Variants in ZDHHC15 observed in about 807,000 individuals in gnomAD.
ZDHHC15 encodes the protein palmitoyltransferase ZDHHC15.
Under a neutral mutation model 31.7 loss-of-function variants are expected in ZDHHC15, and 19 were observed. That is an observed-to-expected ratio of 0.60 (90% CI 0.42 to 0.88). The LOEUF (loss-of-function observed/expected upper bound fraction) is 0.88, where lower values mean the gene tolerates loss of function less well. ZDHHC15 is among the 40% of genes least tolerant of loss of function. The pLI is 0.00. For missense variants in ZDHHC15, 209 were observed against 251.2 expected, an observed-to-expected ratio of 0.83 and a Z score of 1.14; for synonymous variants, 103 against 90.0, an observed-to-expected ratio of 1.14 and a Z score of -0.82.
intron 9 of ZDHHC15, among the ~76,000 whole-genome samples, chrX:75,418,712 T>G (rs993539174): frequency 8.9e-6 from 1 of 112,088 alleles, no homozygotes; most frequent in African/African-American, 3.2e-5. Flanking sequence ...GGGGAAAGGA[T>G]TCCCTATTTA....
chrX:75,407,137 G>T (rs751002980), intron 10 of ZDHHC15, among the ~76,000 whole-genome samples: 1 of 111,788 alleles, frequency 8.9e-6, no homozygotes, highest in African/African-American at 3.2e-5. Context: ...TCTCTGCCCG[G>T]CTGCCCATCG....
intron 2 of ZDHHC15, among the ~76,000 whole-genome samples, chrX:75,497,505 A>T (rs2085020319): frequency 9.0e-6 from 1 of 111,283 alleles, no homozygotes; most frequent in Admixed American, 9.6e-5. Context: ...TAATACCAAA[A>T]CCAGGAAAGG....
At chrX:75,461,165 T>G (rs1453661003) in intron 3 of ZDHHC15, among the ~76,000 whole-genome samples, 1 of 111,660 alleles carries the variant, frequency 9.0e-6, no homozygotes, top group Non-Finnish European at 1.9e-5. Flanking sequence ...AATAGCAGAA[T>G]AAATAAAGCA....
At chrX:75,399,433 T>G (rs149342260) in intron 10 of ZDHHC15, among the ~76,000 whole-genome samples, 2 of 112,115 alleles carry the variant, frequency 1.8e-5, no homozygotes, top group African/African-American at 6.5e-5. Context: ...CCACAGGTCC[T>G]AAACACCACC....
At chrX:75,511,607 T>A (rs1177754487) in intron 1 of ZDHHC15, among the ~76,000 whole-genome samples, 1 of 103,643 alleles carries the variant, frequency 9.6e-6, no homozygotes, top group Non-Finnish European at 2.0e-5. Context: ...CAATTTTGGC[T>A]TTTGTTGCCA....
intron 2 of ZDHHC15, chrX:75,501,582 A>G (rs976668811): frequency 1.8e-5 from 2 of 111,587 alleles, no homozygotes; most frequent in African/African-American, 6.5e-5. Context: ...AACAGTGTGT[A>G]AGTGTTCCCT....
intron 10 of ZDHHC15, among the ~76,000 whole-genome samples, chrX:75,392,325 T>G (rs2147779665): frequency 8.9e-6 from 1 of 112,037 alleles, no homozygotes; most frequent in East Asian, 2.8e-4. Flanking sequence ...TCTGTCTGCT[T>G]ATATTCTAGC....
intron 2 of ZDHHC15, among the ~76,000 whole-genome samples, chrX:75,492,126 G>C (rs1259877899): frequency 9.0e-6 from 1 of 111,001 alleles, no homozygotes; most frequent in Non-Finnish European, 1.9e-5. Context: ...AACAAAAAAA[G>C]GCAGGGGTTG....
intron 1 of ZDHHC15, among the ~76,000 whole-genome samples, chrX:75,519,337 A>T (rs1022461553): frequency 1.8e-5 from 2 of 111,441 alleles, no homozygotes; most frequent in African/African-American, 6.5e-5. Flanking sequence ...AGCTCTTATA[A>T]TGTGTTGTGA....
chrX:75,499,266 C>A, intron 2 of ZDHHC15, among the ~76,000 whole-genome samples: 1 of 111,362 alleles, frequency 9.0e-6, no homozygotes, highest in East Asian at 2.8e-4. Context: ...GCAACAAAAA[C>A]AAAGATAAAT....
At chrX:75,486,040 C>CAA (rs34752558) in intron 2 of ZDHHC15, among the ~76,000 whole-genome samples, 5 of 110,335 alleles carry the variant, frequency 4.5e-5, no homozygotes, top group African/African-American at 1.7e-4. Flanking sequence ...CAAGGAAAAC[C>CAA]AAAAAAAATC....
At chrX:75,520,787 A>G (rs1022681715) in intron 1 of ZDHHC15, among the ~76,000 whole-genome samples, 4 of 111,754 alleles carry the variant, frequency 3.6e-5, no homozygotes, top group African/African-American at 1.3e-4. Flanking sequence ...TATGAAGGCA[A>G]CTAATGACAT....
chrX:75,387,285 A>G (rs762203433), intron 10 of ZDHHC15, among the ~76,000 whole-genome samples: 1 of 112,263 alleles, frequency 8.9e-6, no homozygotes, highest in East Asian at 2.8e-4. Context: ...AAGAAGTAAT[A>G]CTGAACAGGG....
At chrX:75,434,164 C>T (rs1032410803) in intron 4 of ZDHHC15, among the ~76,000 whole-genome samples, 6 of 111,529 alleles carry the variant, frequency 5.4e-5, no homozygotes, top group Middle Eastern at 4.6e-3. Context: ...TATTCAGGTC[C>T]TTAGCCCACT....
rs906307737 is a variant in ZDHHC15 at position 75,429,768 on chromosome X, C to A, written c.482+180G>T. ...TAACTCCAGGAATTCACTACCATACCTTTGGTGTTATATTTTTTCTTTATT... is the reference window on the plus strand; with the variant it reads ...TAACTCCAGGAATTCACTACCATACATTTGGTGTTATATTTTTTCTTTATT... On this transcript the variant is annotated intron_variant, in intron 6 of 11. Coordinates refer to ENST00000373367, the MANE Select transcript of ZDHHC15 (RefSeq NM_144969.3). 2.7e-4 allele frequency among the ~76,000 whole-genome samples: 30 copies of A among 111,318 alleles called. 1 individual carries two copies. The highest frequency in any genetic ancestry group is 9.5e-4 in the African/African-American group (29 of 30,630).
intron 3 of ZDHHC15, among the ~76,000 whole-genome samples, chrX:75,466,057 C>G (rs2084399845): frequency 9.0e-6 from 1 of 111,144 alleles, no homozygotes; most frequent in Non-Finnish European, 1.9e-5. Context: ...TAACAAAAGT[C>G]TAATATCCAG....
At chrX:75,502,131 G>T (rs1278645433) in intron 2 of ZDHHC15, 1 of 111,769 alleles carries the variant, frequency 8.9e-6, no homozygotes, top group African/African-American at 3.2e-5. Context: ...AATTCTGGAG[G>T]TTAGAAGTCC....
At position 75,474,823 on chromosome X, in the gene ZDHHC15, C is replaced by T. The variant is rs184538088; in HGVS notation, c.258+4068G>A. On this transcript the variant is annotated intron_variant, in intron 3 of 11. Coordinates refer to ENST00000373367, the MANE Select transcript of ZDHHC15 (RefSeq NM_144969.3). ...CTGTAATCCCAGCACTTTGGGAGGC[C>T]GAGACGGGTGGATCATGAGGTCAGG... 4.6e-3 allele frequency among the ~76,000 whole-genome samples: 507 copies of T among 109,971 alleles called. 1 individual carries two copies. Among genetic ancestry groups the T allele is most frequent in the African/African-American group, 0.016 (479 of 30,369 alleles).
chrX:75,413,343 G>GA (rs1484261567), intron 10 of ZDHHC15, among the ~76,000 whole-genome samples: 1 of 111,667 alleles, frequency 9.0e-6, no homozygotes, highest in East Asian at 2.8e-4. Context: ...GATTTCCAGG[G>GA]ATACTGCATC....
Sources: gnomAD v4.1 joint callset for allele counts (sites outside exome capture counted in the v4.1 genomes callset) on GRCh38, gnomAD v4.1.1 for gene constraint, MANE v1.5 for transcripts, NCBI Gene and HGNC (gene_info 2026-07-23, HGNC 2026-07-21) for gene names.